SHISA9: variants seen among roughly 807,000 people sequenced by gnomAD.
The protein encoded by SHISA9 is shisa family member 9.
A neutral mutation model predicts 38.0 loss-of-function variants in SHISA9; 13 were observed. That is an observed-to-expected ratio of 0.34 (90% CI 0.22 to 0.54). The LOEUF is 0.54. Ranked by LOEUF, SHISA9 falls within the 20% of genes least tolerant of loss-of-function variation. The pLI, the probability that SHISA9 is intolerant of heterozygous loss-of-function variation, is 0.91. For missense variants in SHISA9, 538 were observed against 575.8 expected (o/e 0.93, Z 0.67); for synonymous variants, 275 against 242.0 (o/e 1.14, Z -1.27).
At chr16:13,437,516 T>TA in the SHISA9 span, among the ~76,000 whole-genome samples, 2,981 of 152,260 alleles carry the variant, frequency 0.02, 109 homozygotes, top group African/African-American at 0.067. Context: ...GAGCAGTCAG[T>TA]AAGCAGAGAA....
chr16:13,483,505 A>G, the SHISA9 span, among the ~76,000 whole-genome samples: 11 of 152,140 alleles, frequency 7.2e-5, no homozygotes, highest in South Asian at 6.2e-4. Context: ...ATTTTACTGG[A>G]TTTTGACCAC....
the SHISA9 span, among the ~76,000 whole-genome samples, chr16:13,522,056 C>T: frequency 2.6e-5 from 4 of 152,192 alleles, no homozygotes; most frequent in African/African-American, 4.8e-5. Flanking sequence ...AGGCGCTTCC[C>T]GGGAAGTTCG....
chr16:13,284,969 T>G, the SHISA9 span, among the ~76,000 whole-genome samples: 5 of 152,174 alleles, frequency 3.3e-5, no homozygotes, highest in Non-Finnish European at 7.3e-5. Context: ...CTGTCTTAAC[T>G]TTCCCCTCAC....
chr16:13,107,307 CA>C (rs1192982416), intron 2 of SHISA9, among the ~76,000 whole-genome samples: 3 of 151,822 alleles, frequency 2.0e-5, no homozygotes, highest in African/African-American at 4.8e-5. Flanking sequence ...TGGTGGTGGG[CA>C]CCTGTAATCC....
At chr16:12,964,216 A>G (rs2071948942) in intron 2 of SHISA9, among the ~76,000 whole-genome samples, 1 of 152,210 alleles carries the variant, frequency 6.6e-6, no homozygotes. Flanking sequence ...TGAAGGAAAC[A>G]AGAATGTGTC....
At chr16:13,128,327 C>T (rs758716422) in intron 2 of SHISA9, among the ~76,000 whole-genome samples, 2 of 152,152 alleles carry the variant, frequency 1.3e-5, no homozygotes, top group Non-Finnish European at 2.9e-5. Flanking sequence ...TTTCGCCCTT[C>T]TAACAAACCT....
At chr16:12,994,445 C>A (rs1057446350) in intron 2 of SHISA9, among the ~76,000 whole-genome samples, 1 of 152,298 alleles carries the variant, frequency 6.6e-6, no homozygotes, top group African/African-American at 2.4e-5. Context: ...CAGAACTGAG[C>A]AGAGGCTTTC....
At chr16:13,484,671 G>T in the SHISA9 span, among the ~76,000 whole-genome samples, 1 of 152,202 alleles carries the variant, frequency 6.6e-6, no homozygotes, top group Non-Finnish European at 1.5e-5. Context: ...AGTGTGGCAG[G>T]TTGTACAGGA....
intron 2 of SHISA9, among the ~76,000 whole-genome samples, chr16:13,063,960 A>C (rs2073405332): frequency 6.6e-6 from 1 of 152,162 alleles, no homozygotes; most frequent in Non-Finnish European, 1.5e-5. Flanking sequence ...CAAGGAGATA[A>C]TTTTAAGGCT....
chr16:13,259,649 T>C, the SHISA9 span, among the ~76,000 whole-genome samples: 2 of 152,228 alleles, frequency 1.3e-5, no homozygotes, highest in Non-Finnish European at 2.9e-5. Flanking sequence ...GACTTCTGTG[T>C]ATCCACATGC....
chr16:12,975,583 A>G (rs945605862), intron 2 of SHISA9, among the ~76,000 whole-genome samples: 1 of 150,360 alleles, frequency 6.7e-6, no homozygotes, highest in Non-Finnish European at 1.5e-5. Flanking sequence ...TTAAGGATTA[A>G]TAAACATATT....
chr16:13,285,462 G>GTTT, the SHISA9 span, among the ~76,000 whole-genome samples: 86 of 95,784 alleles, frequency 9.0e-4, 1 homozygote, highest in African/African-American at 2.0e-3. Flanking sequence ...TTCAGGTGTA[G>GTTT]TTTTTTTTTT....
chr16:13,054,372 C>T (rs1255753484), intron 2 of SHISA9, among the ~76,000 whole-genome samples: 2 of 152,210 alleles, frequency 1.3e-5, no homozygotes, highest in Non-Finnish European at 2.9e-5. Context: ...TGTTACCCTC[C>T]TTCTTTCCCA....
the SHISA9 span, among the ~76,000 whole-genome samples, chr16:13,463,788 G>C: frequency 6.6e-6 from 1 of 152,306 alleles, no homozygotes; most frequent in Admixed American, 6.5e-5. Context: ...ATTGATTCCC[G>C]TGTCACATCC....
At chr16:13,209,134 T>C (rs1472367800) in intron 3 of SHISA9, among the ~76,000 whole-genome samples, 1 of 152,156 alleles carries the variant, frequency 6.6e-6, no homozygotes, top group Non-Finnish European at 1.5e-5. Flanking sequence ...TTTGATGATA[T>C]AGTGTAGGTA....
chr16:13,544,082 G>A, the SHISA9 span, among the ~76,000 whole-genome samples: 1 of 152,030 alleles, frequency 6.6e-6, no homozygotes, highest in East Asian at 1.9e-4. Flanking sequence ...CATTTAGAGG[G>A]AGGCAGTCTC....
At position 13,097,455 on chromosome 16, in the gene SHISA9, C is replaced by T. The variant is rs77672147; in HGVS notation, c.692-105939C>T. Among the ~76,000 whole-genome samples, 80 of 151,998 alleles carry T rather than the reference C, an allele frequency of 5.3e-4. 1 individual carries two copies. The East Asian group carries it at 0.013, about 24-fold the overall frequency. ...TTTTTTGAGTGGGGTTTTGCTTTGC[C>T]CCTCAGGCTGGAGTACAATGATGCT... On this transcript the variant is annotated intron_variant, in intron 2 of 4. Transcript: ENST00000558583.
At chr16:13,474,398 G>T in the SHISA9 span, 2 of 152,188 alleles carry the variant, frequency 1.3e-5, no homozygotes, top group African/African-American at 4.8e-5. Flanking sequence ...TATATTTGTT[G>T]CATGTTATGT....
intron 2 of SHISA9, among the ~76,000 whole-genome samples, chr16:13,080,081 C>T (rs756263653): frequency 6.6e-6 from 1 of 152,042 alleles, no homozygotes; most frequent in African/African-American, 2.4e-5. Flanking sequence ...CTTGTAAACA[C>T]ACCACCACTC....
Sources: gnomAD v4.1 joint callset for allele counts (sites outside exome capture counted in the v4.1 genomes callset) on GRCh38, gnomAD v4.1.1 for gene constraint, MANE v1.5 for transcripts, NCBI Gene and HGNC (gene_info 2026-07-23, HGNC 2026-07-21) for gene names.